MIS18A: variants seen among roughly 807,000 people sequenced by gnomAD.
MIS18A encodes MIS18 kinetochore protein A.
Under a neutral mutation model 25.0 loss-of-function variants are expected in MIS18A, and 14 were observed. The ratio of observed to expected loss-of-function variants is 0.56; its 90% CI spans 0.37 to 0.88. MIS18A has a LOEUF of 0.88. MIS18A is among the 40% of genes least tolerant of loss of function. The pLI, the probability that MIS18A is intolerant of heterozygous loss-of-function variation, is 0.00. For missense variants in MIS18A, 292 were observed against 290.8 expected, an observed-to-expected ratio of 1.00 and a Z score of -0.03; for synonymous variants, 134 against 118.6, an observed-to-expected ratio of 1.13 and a Z score of -0.84.
At chr21:32,272,706 T>C (rs1462923731) in intron 2 of MIS18A, among the ~76,000 whole-genome samples, 1 of 152,224 alleles carries the variant, frequency 6.6e-6, no homozygotes, top group East Asian at 1.9e-4. Flanking sequence ...GTATTTATGA[T>C]AGTAAAAACA....
chr21:32,158,694 C>T, the MIS18A span, among the ~76,000 whole-genome samples: 28 of 152,044 alleles, frequency 1.8e-4, no homozygotes, highest in Non-Finnish European at 3.2e-4. Flanking sequence ...AGGCTGTTCT[C>T]GAACTCCTGA....
chr21:32,192,042 A>G, the MIS18A span, among the ~76,000 whole-genome samples: 1 of 152,242 alleles, frequency 6.6e-6, no homozygotes, highest in Non-Finnish European at 1.5e-5. Flanking sequence ...AGAGTAGAAT[A>G]AAACCCATTG....
chr21:32,212,224 A>G, the MIS18A span, among the ~76,000 whole-genome samples: 2 of 152,152 alleles, frequency 1.3e-5, no homozygotes, highest in African/African-American at 4.8e-5. Context: ...GTTGTTACTC[A>G]GATTACCAGG....
the MIS18A span, among the ~76,000 whole-genome samples, chr21:32,231,429 C>A: frequency 6.6e-6 from 1 of 152,068 alleles, no homozygotes; most frequent in South Asian, 2.1e-4. Context: ...AATAAACACA[C>A]ATGAAAAGAT....
At chr21:32,178,268 T>C in the MIS18A span, among the ~76,000 whole-genome samples, 15,948 of 152,080 alleles carry the variant, frequency 0.1, 1,076 homozygotes, top group African/African-American at 0.19. Context: ...TGTTCTAAAA[T>C]TTACATGGAA....
chr21:32,245,678 A>G, the MIS18A span, among the ~76,000 whole-genome samples: 3 of 152,178 alleles, frequency 2.0e-5, no homozygotes. Flanking sequence ...TGTCCTTCCA[A>G]ACCTTCAGTA....
chr21:32,211,422 T>C, the MIS18A span, among the ~76,000 whole-genome samples: 11 of 152,356 alleles, frequency 7.2e-5, no homozygotes, highest in Non-Finnish European at 1.5e-4. Context: ...CTTCTTTCTC[T>C]TTCTGAATTT....
chr21:32,183,872 T>C, the MIS18A span, among the ~76,000 whole-genome samples: 1 of 152,228 alleles, frequency 6.6e-6, no homozygotes, highest in Non-Finnish European at 1.5e-5. Flanking sequence ...CACACCTGAA[T>C]GCAGTTCCTC....
the MIS18A span, among the ~76,000 whole-genome samples, chr21:32,223,888 T>C: frequency 6.6e-6 from 1 of 152,202 alleles, no homozygotes; most frequent in Non-Finnish European, 1.5e-5. Context: ...AACAAAATAA[T>C]GGTCAACCAA....
the MIS18A span, among the ~76,000 whole-genome samples, chr21:32,254,447 C>T: frequency 2.0e-5 from 3 of 151,922 alleles, no homozygotes; most frequent in African/African-American, 7.3e-5. Context: ...AGGAGAATCA[C>T]TTGAACCCGG....
the MIS18A span, among the ~76,000 whole-genome samples, chr21:32,262,990 G>A: frequency 1.3e-5 from 2 of 152,116 alleles, no homozygotes; most frequent in African/African-American, 2.4e-5. Flanking sequence ...TCGTGCCCTC[G>A]TGATTAGCTG....
the MIS18A span, among the ~76,000 whole-genome samples, chr21:32,195,042 A>C: frequency 0.11 from 16,774 of 152,210 alleles, 1,068 homozygotes; most frequent in African/African-American, 0.16. Context: ...AACCCATTTA[A>C]GAGTTTTAAA....
chr21:32,233,472 T>C, the MIS18A span, among the ~76,000 whole-genome samples: 1 of 152,186 alleles, frequency 6.6e-6, no homozygotes, highest in Admixed American at 6.5e-5. Flanking sequence ...TGACAAGCAA[T>C]GGAAAAGGAA....
At chr21:32,157,277 C>A in the MIS18A span, among the ~76,000 whole-genome samples, 1 of 20 alleles carries the variant, frequency 0.05, no homozygotes, top group Non-Finnish European at 0.12. Context: ...ATCATCTTGG[C>A]CCAGGCTGAT....
the MIS18A span, among the ~76,000 whole-genome samples, chr21:32,210,871 G>A: frequency 6.6e-6 from 1 of 152,042 alleles, no homozygotes; most frequent in East Asian, 1.9e-4. Flanking sequence ...CCATGAGTGT[G>A]GGGTTTATCC....
the MIS18A span, among the ~76,000 whole-genome samples, chr21:32,238,181 A>C: frequency 6.6e-6 from 1 of 152,328 alleles, no homozygotes; most frequent in East Asian, 1.9e-4. Flanking sequence ...TCACATGAAC[A>C]CTTTGCCCAT....
At chr21:32,189,616 C>T in the MIS18A span, among the ~76,000 whole-genome samples, 1 of 152,196 alleles carries the variant, frequency 6.6e-6, no homozygotes, top group Non-Finnish European at 1.5e-5. Flanking sequence ...ATCCTGATTC[C>T]GCACCTTGCT....
chr21:32,216,080 A>G, the MIS18A span, among the ~76,000 whole-genome samples: 2 of 152,230 alleles, frequency 1.3e-5, no homozygotes, highest in Non-Finnish European at 2.9e-5. Flanking sequence ...CTAACCAAAA[A>G]AAAGTCAGAA....
At chr21:32,223,294 G>C in the MIS18A span, among the ~76,000 whole-genome samples, 1 of 151,364 alleles carries the variant, frequency 6.6e-6, no homozygotes, top group East Asian at 1.9e-4. Context: ...AACTGAAGGA[G>C]ATAGAGACAC....
Sources: gnomAD v4.1 joint callset for allele counts (sites outside exome capture counted in the v4.1 genomes callset) on GRCh38, gnomAD v4.1.1 for gene constraint, MANE v1.5 for transcripts, NCBI Gene and HGNC (gene_info 2026-07-23, HGNC 2026-07-21) for gene names.